The following AKAP13 variants were observed in gnomAD, a reference collection of about 807,000 sequenced individuals.
AKAP13 encodes A-kinase anchoring protein 13.
Under a neutral mutation model 264.5 loss-of-function variants are expected in AKAP13, and 80 were observed. That is an observed-to-expected ratio of 0.30 (90% CI 0.25 to 0.36). The LOEUF (loss-of-function observed/expected upper bound fraction) is 0.36. Ranked by LOEUF, AKAP13 falls within the 10% of genes least tolerant of loss-of-function variation. The pLI, the probability that AKAP13 is intolerant of heterozygous loss-of-function variation, is 1.00. For missense variants in AKAP13, 3,712 were observed against 3,435.2 expected, an observed-to-expected ratio of 1.08 and a Z score of -2.01; for synonymous variants, 1,380 against 1,250.2, an observed-to-expected ratio of 1.10 and a Z score of -2.19.
intron 1 of AKAP13, among the ~76,000 whole-genome samples, chr15:85,431,043 A>G (rs1160927215): frequency 2.6e-5 from 4 of 152,136 alleles, no homozygotes; most frequent in Non-Finnish European, 4.4e-5. Flanking sequence ...TGATAATGAG[A>G]GATAAAGGTC....
At chr15:85,445,716 C>CAG (rs34782143) in intron 1 of AKAP13, among the ~76,000 whole-genome samples, 4 of 151,374 alleles carry the variant, frequency 2.6e-5, no homozygotes, top group African/African-American at 7.3e-5. Flanking sequence ...AAGGCACAAA[C>CAG]AGAGCTAAAA....
intron 8 of AKAP13, among the ~76,000 whole-genome samples, chr15:85,611,945 G>A (rs1323413231): frequency 6.6e-6 from 1 of 152,096 alleles, no homozygotes; most frequent in Non-Finnish European, 1.5e-5. Flanking sequence ...TCTCAGATTA[G>A]TAATATACTG....
intron 8 of AKAP13, chr15:85,635,112 A>G: frequency 5.0e-6 from 2 of 398,214 alleles, no homozygotes; most frequent in South Asian, 1.3e-4. Flanking sequence ...GTATGTAAGT[A>G]TATGTTTGAC....
intron 2 of AKAP13, among the ~76,000 whole-genome samples, chr15:85,490,939 G>C (rs1285132642): frequency 1.3e-5 from 2 of 152,180 alleles, no homozygotes; most frequent in African/African-American, 4.8e-5. Flanking sequence ...CCTTTGAGGG[G>C]CATGTCATTT....
At chr15:85,417,773 A>T (rs922117070) in intron 1 of AKAP13, among the ~76,000 whole-genome samples, 30 of 152,190 alleles carry the variant, frequency 2.0e-4, no homozygotes, top group African/African-American at 6.3e-4. Flanking sequence ...ACAGATGGAG[A>T]AATGCAGCTT....
At chr15:85,470,674 T>C (rs956418465) in intron 1 of AKAP13, among the ~76,000 whole-genome samples, 1 of 152,230 alleles carries the variant, frequency 6.6e-6, no homozygotes, top group Non-Finnish European at 1.5e-5. Context: ...TTTGTAACTT[T>C]ATAATAAAGT....
chr15:85,744,033 C>T (rs2089258018), intron 36 of AKAP13: 1 of 591,870 alleles, frequency 1.7e-6, no homozygotes, highest in East Asian at 2.9e-5. Context: ...TGTGCAGAAG[C>T]AGAGAGCATG....
At position 85,589,134 on chromosome 15, in the gene AKAP13, G is replaced by T. The variant is rs10048046; in HGVS notation, c.4161+3311G>T. Among the ~76,000 whole-genome samples the T allele has an allele frequency of 9.0e-3, 1,369 of 152,228 alleles. 18 individuals are homozygous for T. The highest frequency in any genetic ancestry group is 0.032 in the African/African-American group (1,315 of 41,518). The stretch of plus-strand genomic sequence containing the variant: ...TTGCCTTATTTGCTGTGAGTTGAAA[G>T]GATAAAACAGACACACACTTTAATT... On this transcript the variant is annotated intron_variant, in intron 8 of 36. Transcript: ENST00000394518.
intron 8 of AKAP13, among the ~76,000 whole-genome samples, chr15:85,631,936 T>C (rs1177444734): frequency 2.0e-5 from 3 of 152,202 alleles, no homozygotes; most frequent in Non-Finnish European, 4.4e-5. Context: ...GGAATATAAG[T>C]TGTCTCTTTG....
intron 23 of AKAP13, among the ~76,000 whole-genome samples, chr15:85,720,069 A>G (rs1167943147): frequency 1.3e-5 from 2 of 152,060 alleles, no homozygotes; most frequent in Admixed American, 1.3e-4. Context: ...TGTCTCTACA[A>G]AAAAAAGTGA....
intron 1 of AKAP13, among the ~76,000 whole-genome samples, chr15:85,412,717 A>C (rs933893532): frequency 1.3e-5 from 2 of 152,194 alleles, no homozygotes; most frequent in East Asian, 3.8e-4. Flanking sequence ...ATAGCTTACA[A>C]TGGATTGAAA....
chr15:85,562,574 A>AAAAAATATATATATATATATATATAT (rs1351834745), intron 5 of AKAP13, among the ~76,000 whole-genome samples: 1 of 77,670 alleles, frequency 1.3e-5, no homozygotes, highest in African/African-American at 4.0e-5. Flanking sequence ...CAAAAAAAAA[A>AAAAAATATATATATATATATATATAT]ATATATATAT....
intron 5 of AKAP13, among the ~76,000 whole-genome samples, chr15:85,562,984 G>T (rs938085686): frequency 4.0e-5 from 6 of 151,788 alleles, no homozygotes; most frequent in African/African-American, 7.2e-5. Flanking sequence ...AAGGTGCTGG[G>T]ATTACACGTG....
chr15:85,427,093 C>G (rs765632356), intron 1 of AKAP13, among the ~76,000 whole-genome samples: 8 of 151,462 alleles, frequency 5.3e-5, no homozygotes, highest in Non-Finnish European at 8.8e-5. Flanking sequence ...ATAGCTGGGA[C>G]TACAGGCGCC....
intron 14 of AKAP13, among the ~76,000 whole-genome samples, chr15:85,681,839 A>T (rs955206314): frequency 6.6e-6 from 1 of 152,096 alleles, no homozygotes; most frequent in Non-Finnish European, 1.5e-5. Flanking sequence ...TGCAAACTGA[A>T]GATTGATAAG....
chr15:85,598,468 G>A (rs985524146), intron 8 of AKAP13, among the ~76,000 whole-genome samples: 13 of 152,328 alleles, frequency 8.5e-5, no homozygotes, highest in African/African-American at 2.6e-4. Flanking sequence ...ATATGTCCAT[G>A]CACGAATCCC....
intron 1 of AKAP13, among the ~76,000 whole-genome samples, chr15:85,414,088 G>A (rs371915463): frequency 1.2e-4 from 18 of 152,056 alleles, no homozygotes; most frequent in Admixed American, 7.9e-4. Flanking sequence ...AAGGTTTTTC[G>A]TCATGTTTAA....
At chr15:85,497,911 G>A (rs561633435) in intron 2 of AKAP13, among the ~76,000 whole-genome samples, 1 of 152,066 alleles carries the variant, frequency 6.6e-6, no homozygotes, top group Non-Finnish European at 1.5e-5. Context: ...AGCAGTGAGG[G>A]GCTGTCAAGT....
At chr15:85,444,290 C>T (rs535032013) in intron 1 of AKAP13, among the ~76,000 whole-genome samples, 1 of 152,244 alleles carries the variant, frequency 6.6e-6, no homozygotes, top group African/African-American at 2.4e-5. Flanking sequence ...TTGCTGCTAC[C>T]TCAGGCTTAT....
Sources: allele counts gnomAD v4.1 joint callset (sites outside exome capture counted in the v4.1 genomes callset), GRCh38; gene constraint gnomAD v4.1.1; transcripts MANE v1.5; gene names NCBI Gene and HGNC (gene_info 2026-07-23, HGNC 2026-07-21).